EP300: variants seen among roughly 807,000 people sequenced by gnomAD.
EP300 encodes the protein histone acetyltransferase p300.
Under a neutral mutation model 264.0 loss-of-function variants are expected in EP300, and 31 were observed. The observed-to-expected ratio is 0.12, with a 90% CI of 0.09 to 0.16. The LOEUF is 0.16. Ranked by LOEUF, EP300 falls within the 10% of genes least tolerant of loss-of-function variation. EP300 has a pLI of 1.00. For synonymous variants in EP300, 1,340 were observed against 1,045.4 expected, an observed-to-expected ratio of 1.28 and a Z score of -5.44; for missense variants, 2,766 against 3,052.9, an observed-to-expected ratio of 0.91 and a Z score of 2.21.
intron 23 of EP300, among the ~76,000 whole-genome samples, chr22:41,167,510 T>C (rs2059141086): frequency 6.7e-6 from 1 of 148,920 alleles, no homozygotes; most frequent in African/African-American, 2.5e-5. Context: ...TACTTTAAAA[T>C]ATTACTGCAA....
At chr22:41,167,584 G>GTGTATA (rs869093144) in intron 23 of EP300, among the ~76,000 whole-genome samples, 21 of 34,374 alleles carry the variant, frequency 6.1e-4, no homozygotes, top group Non-Finnish European at 7.7e-4. Flanking sequence ...GTGTGTGTGT[G>GTGTATA]TATATATATA....
Position 41,127,496 on chromosome 22 carries a change from C to G in EP300, c.916C>G (p.Pro306Ala). 1 of 1,614,136 alleles carries G rather than the reference C, an allele frequency of 6.2e-7. No homozygotes were observed. ...TTGTTATATCTCTCAGGGTCAACAG[C>G]CAGCCCCGCAGGTCCAGCAGCCAGG... ...GGGMPNMGQQ[P>A]APQVQQPGLV... The change falls in exon 4 of 31, where the codon CCA (proline) becomes GCA (alanine). Residue 306 changes from proline to alanine, a missense_variant. By Grantham distance (27) the Pro-to-Ala change is conservative. Coordinates refer to ENST00000263253, the MANE Select transcript of EP300 (RefSeq NM_001429.4).
intron 1 of EP300, among the ~76,000 whole-genome samples, chr22:41,100,796 G>A (rs11090039): frequency 0.23 from 34,947 of 151,862 alleles, 5,278 homozygotes; most frequent in Admixed American, 0.42. Flanking sequence ...TGCAGTGGAG[G>A]GAGTGGATTC....
At chr22:41,160,452 AC>A in intron 19 of EP300, 189 bp from the exon 20 acceptor site, 3 of 558,334 alleles carry the variant, frequency 5.4e-6, no homozygotes, top group South Asian at 2.4e-5. Context: ...AAAAAAACAA[AC>A]AAAAAAACCA....
chr22:41,102,392 T>G (rs1490108315), intron 1 of EP300, among the ~76,000 whole-genome samples: 2 of 152,080 alleles, frequency 1.3e-5, no homozygotes, highest in East Asian at 1.9e-4. Flanking sequence ...CAGATAGAGA[T>G]AGGATTAGTA....
intron 1 of EP300, among the ~76,000 whole-genome samples, chr22:41,101,434 C>T (rs192395622): frequency 1.4e-3 from 195 of 143,226 alleles, no homozygotes; most frequent in African/African-American, 4.7e-3. Context: ...TTTTTTGAGA[C>T]GGAGTCTAGC....
intron 1 of EP300, among the ~76,000 whole-genome samples, chr22:41,105,301 G>A (rs551756711): frequency 1.3e-5 from 2 of 151,252 alleles, no homozygotes; most frequent in South Asian, 4.2e-4. Flanking sequence ...CCGGGAGGCG[G>A]AGGTTGCCAT....
intron 1 of EP300, among the ~76,000 whole-genome samples, chr22:41,094,946 ATT>A (rs2058694073): frequency 6.6e-6 from 1 of 152,164 alleles, no homozygotes; most frequent in African/African-American, 2.4e-5. Flanking sequence ...TCTTTGAATA[ATT>A]ACAAGAGTTT....
intron 5 of EP300, 125 bp downstream of exon 5, chr22:41,130,128 TC>T (rs1202447318): frequency 1.3e-6 from 1 of 747,658 alleles, no homozygotes; most frequent in Middle Eastern, 3.2e-4. Flanking sequence ...AATGTTTTTT[TC>T]CCTTTTAATT....
intron 4 of EP300, 149 bp from the exon 5 acceptor site, chr22:41,129,741 G>C: frequency 1.6e-6 from 1 of 636,064 alleles, no homozygotes; most frequent in South Asian, 1.7e-5. Context: ...TGTGAATTCT[G>C]AGTATTAATA....
intron 23 of EP300, among the ~76,000 whole-genome samples, chr22:41,167,227 T>A (rs926538311): frequency 3.9e-5 from 6 of 152,044 alleles, no homozygotes; most frequent in Non-Finnish European, 7.4e-5. Flanking sequence ...AAACTCCTGA[T>A]CACAGGTGAT....
chr22:41,103,818 G>A (rs17433014), intron 1 of EP300, among the ~76,000 whole-genome samples: 4,590 of 152,278 alleles, frequency 0.03, 110 homozygotes, highest in Middle Eastern at 0.048. Flanking sequence ...ACTAATTCTG[G>A]TAACACCGTA....
At chr22:41,176,093 G>A in intron 29 of EP300, 154 bp from the exon 30 acceptor site, 5 of 812,922 alleles carry the variant, frequency 6.2e-6, no homozygotes, top group South Asian at 4.8e-5. Context: ...GGTGGTGTGG[G>A]CCTGTGGTCT....
chr22:41,114,721 G>A (rs991667700), intron 1 of EP300, among the ~76,000 whole-genome samples: 1 of 152,030 alleles, frequency 6.6e-6, no homozygotes, highest in Non-Finnish European at 1.5e-5. Context: ...TGGAGTGAGG[G>A]GTGGTCACAA....
Position 41,117,178 on chromosome 22 carries a change from T to G in EP300, c.95-9T>G. Reference sequence around the variant, plus strand: ...TACTTTGACCTTTGTCTTTTCCCTTTGCTTTTAGATTTTGGCTCTCTATTT... The same window carrying G: ...TACTTTGACCTTTGTCTTTTCCCTTGGCTTTTAGATTTTGGCTCTCTATTT... On this transcript the variant is annotated splice_polypyrimidine_tract_variant and intron_variant, in intron 1 of 30. Transcript: ENST00000263253. The G allele has an allele frequency of 6.2e-7, 1 of 1,613,826 alleles. No homozygotes were observed. Among genetic ancestry groups the G allele is most frequent in the Middle Eastern group, 1.6e-4 (1 of 6,062 alleles).
chr22:41,107,344 A>T (rs2058763249), intron 1 of EP300, among the ~76,000 whole-genome samples: 2 of 152,148 alleles, frequency 1.3e-5, no homozygotes, highest in Admixed American at 1.3e-4. Context: ...GTTTAAGAGA[A>T]CTGAGTTGAT....
At position 41,158,461 on chromosome 22, in the gene EP300, C is replaced by T; in HGVS notation, c.3551C>T (p.Thr1184Ile). Residue 1184 changes from threonine to isoleucine, a missense_variant, in exon 19 of 31, where the codon ACA becomes ATA. By Grantham distance (89) the Thr-to-Ile change is moderately conservative (BLOSUM62 -1). Coordinates refer to ENST00000263253, the MANE Select transcript of EP300 (RefSeq NM_001429.4). The stretch of plus-strand genomic sequence containing the variant: ...TGTTGCTACGGCAAACAGTTGTGCA[C>T]AATACCTCGTGATGCCACTTATTAC... ...TLCCYGKQLCTIPRDATYYSY... is the reference protein window; with the variant it reads ...TLCCYGKQLCIIPRDATYYSY... 6.2e-7 allele frequency: 1 copy of T among 1,614,178 alleles called. No individual in the cohort carries two copies. Among genetic ancestry groups the T allele is most frequent in the Non-Finnish European group, 8.5e-7 (1 of 1,180,032 alleles).
chr22:41,143,822 G>A (rs983629796), intron 10 of EP300, among the ~76,000 whole-genome samples: 13 of 152,086 alleles, frequency 8.5e-5, no homozygotes, highest in South Asian at 2.1e-4. Flanking sequence ...CAAGTGATCC[G>A]CGTACCTTGG....
intron 1 of EP300, among the ~76,000 whole-genome samples, chr22:41,096,450 G>A (rs1332717980): frequency 6.6e-6 from 1 of 152,010 alleles, no homozygotes; most frequent in African/African-American, 2.4e-5. Flanking sequence ...TCTGGTCTTG[G>A]TACAGTTTTG....
Sources: allele counts gnomAD v4.1 joint callset (sites outside exome capture counted in the v4.1 genomes callset), GRCh38; gene constraint gnomAD v4.1.1; transcripts MANE v1.5; gene names NCBI Gene and HGNC (gene_info 2026-07-23, HGNC 2026-07-21).